The following CACHD1 variants were observed in gnomAD, a reference collection of about 807,000 sequenced individuals.
The protein encoded by CACHD1 is cache domain containing 1.
In CACHD1, 71 loss-of-function variants were observed where a neutral mutation model predicts 138.7. That is an observed-to-expected ratio of 0.51 (90% CI 0.42 to 0.62). CACHD1 has a LOEUF of 0.62. Ranked by LOEUF, CACHD1 falls within the 20% of genes least tolerant of loss-of-function variation. The pLI, the probability that CACHD1 is intolerant of heterozygous loss-of-function variation, is 0.00. For synonymous variants in CACHD1, 578 were observed against 591.5 expected (o/e 0.98, Z 0.33); for missense variants, 1,389 against 1,625.3 (o/e 0.85, Z 2.50).
intron 4 of CACHD1, among the ~76,000 whole-genome samples, chr1:64,603,135 C>T (rs1647246031): frequency 8.6e-6 from 1 of 116,360 alleles, no homozygotes; most frequent in Admixed American, 1.1e-4. Flanking sequence ...GAAACAGTCT[C>T]ACTCTGTTGC....
chr1:64,643,901 T>C lies in CACHD1; in HGVS notation c.1156+1932T>C, dbSNP rs115237710. Among the ~76,000 whole-genome samples, 546 of 152,336 alleles carry C rather than the reference T, an allele frequency of 3.6e-3. 1 individual carries two copies. The highest frequency in any genetic ancestry group is 0.013 in the African/African-American group (533 of 41,582). On this transcript the variant is annotated intron_variant, in intron 8 of 26. Coordinates refer to ENST00000651257, the MANE Select transcript of CACHD1 (RefSeq NM_020925.4). ...TTATATGGTTTCCTGTCTCAGACAG[T>C]ATAGCTCAGAGGTGGAGCTCTGCCA...
chr1:64,517,592 AT>A (rs1330319303), intron 1 of CACHD1, among the ~76,000 whole-genome samples: 2 of 152,108 alleles, frequency 1.3e-5, no homozygotes, highest in African/African-American at 4.8e-5. Flanking sequence ...GCCCAGTGGG[AT>A]GAAGAGCAAG....
intron 2 of CACHD1, among the ~76,000 whole-genome samples, chr1:64,580,436 G>A (rs530727778): frequency 2.6e-5 from 4 of 151,970 alleles, no homozygotes; most frequent in South Asian, 2.1e-4. Context: ...ATGTACCCCC[G>A]AACCTAAAAT....
chr1:64,584,247 A>G (rs1449259990), intron 3 of CACHD1, among the ~76,000 whole-genome samples: 1 of 152,196 alleles, frequency 6.6e-6, no homozygotes, highest in Non-Finnish European at 1.5e-5. Context: ...TCTCGTGAGT[A>G]GAGTCCAGGG....
chr1:64,641,309 C>T (rs1648705733), intron 7 of CACHD1, among the ~76,000 whole-genome samples: 2 of 152,060 alleles, frequency 1.3e-5, no homozygotes, highest in Non-Finnish European at 2.9e-5. Context: ...CACTGCTCTA[C>T]TGATGAGATT....
chr1:64,638,270 A>G (rs192127943), intron 7 of CACHD1, among the ~76,000 whole-genome samples: 13 of 152,318 alleles, frequency 8.5e-5, no homozygotes, highest in Non-Finnish European at 1.6e-4. Flanking sequence ...TGTCTACTGT[A>G]TATCTGGTGC....
intron 10 of CACHD1, among the ~76,000 whole-genome samples, chr1:64,653,290 T>C (rs1429995648): frequency 2.0e-5 from 3 of 151,228 alleles, no homozygotes; most frequent in African/African-American, 7.3e-5. Context: ...CTATGCTTAG[T>C]ACCTGGGTCA....
At chr1:64,665,618 C>A (rs1262275200) in intron 15 of CACHD1, among the ~76,000 whole-genome samples, 1 of 152,174 alleles carries the variant, frequency 6.6e-6, no homozygotes, top group Non-Finnish European at 1.5e-5. Context: ...AGATGAGAAT[C>A]CTTTTGCATT....
Position 64,526,343 on chromosome 1 carries a change from A to G in CACHD1, c.199-24251A>G, listed in dbSNP as rs1459094533. Among the ~76,000 whole-genome samples the G allele has an allele frequency of 2.0e-5, 3 of 152,168 alleles. No individual in the cohort carries two copies. In the East Asian group the frequency reaches 5.8e-4, roughly 29 times the overall value. ...TTTAACAGTGAAAACTGTCTAAAAA[A>G]TGATTCATGTCTACCCAAATCTGTG... On this transcript the variant is annotated intron_variant, in intron 1 of 26. Transcript: ENST00000651257.
At chr1:64,592,229 T>G (rs1451415117) in intron 3 of CACHD1, among the ~76,000 whole-genome samples, 2 of 152,256 alleles carry the variant, frequency 1.3e-5, no homozygotes, top group African/African-American at 4.8e-5. Flanking sequence ...ATGATGAATT[T>G]AAAAAATATA....
intron 4 of CACHD1, among the ~76,000 whole-genome samples, chr1:64,614,858 C>T (rs560829580): frequency 6.6e-6 from 1 of 152,118 alleles, no homozygotes; most frequent in Non-Finnish European, 1.5e-5. Context: ...GTAGAGACCC[C>T]CCAAAAGGTT....
intron 1 of CACHD1, among the ~76,000 whole-genome samples, chr1:64,526,817 A>T (rs922052928): frequency 3.3e-5 from 5 of 151,960 alleles, no homozygotes; most frequent in Non-Finnish European, 7.4e-5. Flanking sequence ...CCTCTTCTCC[A>T]CCCACCTCTG....
At chr1:64,608,764 C>CT (rs140011220) in intron 4 of CACHD1, among the ~76,000 whole-genome samples, 2 of 152,022 alleles carry the variant, frequency 1.3e-5, no homozygotes, top group African/African-American at 4.8e-5. Flanking sequence ...CACTCTCTCT[C>CT]TTTTTTTTCT....
rs543281063 is a variant in CACHD1 at position 64,594,126 on chromosome 1, C to T, written c.411-8680C>T. 5.7e-4 allele frequency among the ~76,000 whole-genome samples: 87 copies of T among 151,972 alleles called. 3 individuals are homozygous for T. The South Asian group carries it at 0.016, about 29-fold the overall frequency. ...AAAATTAGCTGCGCATGATGGTGGGCGCCTGTAATCCCAGCTAGTTGGGAG... is the reference window on the plus strand; with the variant it reads ...AAAATTAGCTGCGCATGATGGTGGGTGCCTGTAATCCCAGCTAGTTGGGAG... On this transcript the variant is annotated intron_variant, in intron 3 of 26. Transcript: ENST00000651257.
intron 3 of CACHD1, among the ~76,000 whole-genome samples, chr1:64,594,437 G>C (rs796787285): frequency 6.6e-6 from 1 of 152,076 alleles, no homozygotes; most frequent in South Asian, 2.1e-4. Context: ...AATTCTACTT[G>C]AGGTAACTAG....
At chr1:64,583,701 T>C (rs1366720802) in intron 3 of CACHD1, among the ~76,000 whole-genome samples, 3 of 152,184 alleles carry the variant, frequency 2.0e-5, no homozygotes, top group Non-Finnish European at 4.4e-5. Flanking sequence ...CAGTTCCACA[T>C]GGCTGGGGAG....
At chr1:64,483,594 A>G (rs1264318833) in intron 1 of CACHD1, among the ~76,000 whole-genome samples, 1 of 151,034 alleles carries the variant, frequency 6.6e-6, no homozygotes, top group Admixed American at 6.6e-5. Flanking sequence ...TGGTAATCCC[A>G]GCACTTTGGG....
intron 1 of CACHD1, among the ~76,000 whole-genome samples, chr1:64,482,037 A>G (rs1646214232): frequency 6.6e-6 from 1 of 152,222 alleles, no homozygotes; most frequent in African/African-American, 2.4e-5. Flanking sequence ...TTGGAAGTAT[A>G]TCATCTCTGA....
intron 2 of CACHD1, among the ~76,000 whole-genome samples, chr1:64,577,092 C>T (rs1252213485): frequency 2.0e-5 from 3 of 151,920 alleles, no homozygotes; most frequent in Non-Finnish European, 2.9e-5. Context: ...TACAGATGCA[C>T]ACCAATATTC....
Sources: gnomAD v4.1 joint callset for allele counts (sites outside exome capture counted in the v4.1 genomes callset) on GRCh38, gnomAD v4.1.1 for gene constraint, MANE v1.5 for transcripts, NCBI Gene and HGNC (gene_info 2026-07-23, HGNC 2026-07-21) for gene names.